ACTN3: variants seen among roughly 807,000 people sequenced by gnomAD.
The protein encoded by ACTN3 is actinin alpha 3.
A neutral mutation model predicts 119.6 loss-of-function variants in ACTN3; 91 were observed. That is an observed-to-expected ratio of 0.76 (90% CI 0.64 to 0.91). The LOEUF (loss-of-function observed/expected upper bound fraction) is 0.91. Among genes scored for constraint, ACTN3 ranks in the 40% least tolerant of loss-of-function variants. The pLI is 0.00. For missense variants in ACTN3, 1,221 were observed against 1,215.1 expected, an observed-to-expected ratio of 1.00 and a Z score of -0.07; for synonymous variants, 456 against 478.8, an observed-to-expected ratio of 0.95 and a Z score of 0.62.
rs1459786551 is a variant in ACTN3, at chr11:66,558,081, T to C, written c.1183T>C (p.Trp395Arg). 1.2e-6 allele frequency: 2 copies of C among 1,613,690 alleles called. No homozygotes were observed. Among genetic ancestry groups the C allele is most frequent in the African/African-American group, 2.7e-5 (2 of 74,924 alleles). ...LEQVEKGYED[W>R]LLSEIRRLQR... ...GCAGGTGGAAAAGGGCTATGAGGACTGGCTGCTCTCGGAGATCCGGCGCCT... is the reference window on the plus strand; with the variant it reads ...GCAGGTGGAAAAGGGCTATGAGGACCGGCTGCTCTCGGAGATCCGGCGCCT... Residue 395 changes from tryptophan to arginine, a missense_variant, in exon 11 of 21, where the codon TGG becomes CGG. Trp to Arg is a moderately radical substitution (Grantham distance 101). Transcript: ENST00000513398.
At chr11:66,556,933 T>C (rs1319365709) in intron 8 of ACTN3, among the ~76,000 whole-genome samples, 200 bp from the exon 9 acceptor site, 1 of 151,976 alleles carries the variant, frequency 6.6e-6, no homozygotes, top group Non-Finnish European at 1.5e-5. Context: ...GCCAATTTTT[T>C]TGTATTTTTA....
chr11:66,551,697 G>A (rs779962099), intron 3 of ACTN3, 50 bp downstream of exon 3: 1 of 1,606,394 alleles, frequency 6.2e-7, no homozygotes, highest in African/African-American at 1.3e-5. Context: ...GGCCTCTCTT[G>A]ACATCAGCAA....
At chr11:66,551,830 C>G (rs1857478937) in intron 3 of ACTN3, 183 bp downstream of exon 3, 1 of 467,244 alleles carries the variant, frequency 2.1e-6, no homozygotes, top group African/African-American at 2.1e-5. Flanking sequence ...AATCTCGGCA[C>G]TTTGGGAGGC....
rs1358315746 is a variant in ACTN3 at position 66,557,216 on chromosome 11, T to C, written c.888T>C (p.Leu296=). ...NEKLMEEYEK[L]ASELLEWIRR... The stretch of plus-strand genomic sequence containing the variant: ...AGCTGATGGAGGAGTATGAGAAGCT[T>C]GCCAGTGAGGTGAGGCTGGGCTCCC... Residue 296 remains leucine (L), a synonymous_variant, in exon 9 of 21, where the codon CTT becomes CTC. Coordinates refer to ENST00000513398, the MANE Select transcript of ACTN3 (RefSeq NM_001104.4). The C allele has an allele frequency of 5.8e-6, 9 of 1,552,824 alleles. No homozygotes were observed. The highest frequency in any genetic ancestry group is 7.8e-6 in the Non-Finnish European group (9 of 1,147,790).
Position 66,561,518 on chromosome 11 carries a change from C to T in ACTN3, c.2056C>T (p.Arg686Trp), listed in dbSNP as rs371081325. 8.7e-6 allele frequency: 14 copies of T among 1,606,856 alleles called. No individual in the cohort carries two copies. Among genetic ancestry groups the T allele is most frequent in the East Asian group, 2.2e-5 (1 of 44,632 alleles). ...GSLEEQMAGL[R>W]QQEQNIINYK... ...TCTGGAGGAGCAGATGGCTGGGCTA[C>T]GGCAGCAGGAGCAGAACATTATCAA... The change falls in exon 17 of 21, where the codon CGG becomes TGG. Residue 686 changes from arginine to tryptophan, a missense_variant. By Grantham distance (101) the Arg-to-Trp change is moderately radical (BLOSUM62 -3). Transcript: ENST00000513398.
chr11:66,549,712 C>T (rs1006607880), intron 1 of ACTN3, among the ~76,000 whole-genome samples: 11 of 108,170 alleles, frequency 1.0e-4, no homozygotes, highest in Non-Finnish European at 1.5e-4. Flanking sequence ...GTCTGGGCAA[C>T]AAGCGCGAAA....
At chr11:66,552,880 T>TCACACA (rs4013815) in intron 3 of ACTN3, among the ~76,000 whole-genome samples, 3 of 114,700 alleles carry the variant, frequency 2.6e-5, no homozygotes, top group Non-Finnish European at 5.6e-5. Flanking sequence ...TCTCTCTCTC[T>TCACACA]CACACACACA....
intron 11 of ACTN3, 136 bp downstream of exon 11, chr11:66,558,310 T>C: frequency 7.7e-7 from 1 of 1,299,724 alleles, no homozygotes; most frequent in Non-Finnish European, 1.0e-6. Context: ...ACTGGATTTC[T>C]AGTCCCACCC....
At chr11:66,559,070 G>A in intron 11 of ACTN3, 166 bp from the exon 12 acceptor site, 1 of 617,798 alleles carries the variant, frequency 1.6e-6, no homozygotes, top group Non-Finnish European at 2.4e-6. Flanking sequence ...CACGGAAGAG[G>A]ACTTTCACCT....
intron 4 of ACTN3, 73 bp from the exon 5 acceptor site, chr11:66,554,463 A>G: frequency 8.0e-7 from 1 of 1,244,032 alleles, no homozygotes; most frequent in Non-Finnish European, 1.1e-6. Context: ...TCTCAAAAAA[A>G]AAAAAAAAAG....
chr11:66,552,422 C>T (rs1294750067), intron 3 of ACTN3, among the ~76,000 whole-genome samples: 9 of 152,014 alleles, frequency 5.9e-5, no homozygotes, highest in African/African-American at 2.2e-4. Flanking sequence ...GCTCAGCCCC[C>T]AAACCCTAGT....
chr11:66,551,577 C>A lies in ACTN3; in HGVS notation c.312C>A (p.Ile104=). ...AAGGCAAGATGCGCTTCCACAAAAT[C>A]GCCAACGTTAACAAGGCCCTGGACT... ...PDKGKMRFHK[I]ANVNKALDFI... The change falls in exon 3 of 21, where the codon ATC becomes ATA. Residue 104 remains isoleucine (I), a synonymous_variant. Coordinates refer to ENST00000513398, the MANE Select transcript of ACTN3 (RefSeq NM_001104.4). 6.2e-7 allele frequency: 1 copy of A among 1,614,112 alleles called. No homozygotes were observed. Among genetic ancestry groups the A allele is most frequent in the Non-Finnish European group, 8.5e-7 (1 of 1,180,026 alleles).
At position 66,554,077 on chromosome 11, in the gene ACTN3, G is replaced by T; in HGVS notation, c.415G>T (p.Gly139Cys). 1 of 1,613,752 alleles carries T rather than the reference G, an allele frequency of 6.2e-7. No individual in the cohort carries two copies. The highest frequency in any genetic ancestry group is 1.1e-5 in the South Asian group (1 of 91,070). Residue 139 changes from glycine (G) to cysteine (C), a missense_variant, in exon 4 of 21, where the codon GGC becomes TGC. Gly to Cys is a radical substitution (Grantham distance 159, BLOSUM62 -3). Coordinates refer to ENST00000513398, the MANE Select transcript of ACTN3 (RefSeq NM_001104.4). ...TGACGGGAACCTGAAGATGACCCTG[G>T]GCATGATCTGGACCATCATCCTTCG... ...IVDGNLKMTL[G>C]MIWTIILRFA... is the part of the protein sequence containing the mutation.
At position 66,558,549 on chromosome 11, in the gene ACTN3, G is replaced by A. The variant is rs140783486; in HGVS notation, c.1276+375G>A. 3.9e-3 allele frequency among the ~76,000 whole-genome samples: 588 copies of A among 152,192 alleles called. 1 individual carries two copies. Among genetic ancestry groups the A allele is most frequent in the Non-Finnish European group, 6.9e-3 (467 of 68,012 alleles). On this transcript the variant is annotated intron_variant, in intron 11 of 20. Coordinates refer to ENST00000513398, the MANE Select transcript of ACTN3 (RefSeq NM_001104.4). ...CGCCCAGTAACTTTTTGTACTTTTT[G>A]TAGAGATGGGTTCTCACTTTGTTGC... is the stretch of plus-strand genomic sequence containing the variant.
rs756028002 is a variant in ACTN3, at chr11:66,558,038, C to T, written c.1140C>T (p.Asn380=). The T allele has an allele frequency of 2.5e-5, 41 of 1,613,746 alleles. No individual in the cohort carries two copies. Among genetic ancestry groups the T allele is most frequent in the Admixed American group, 1.2e-4 (7 of 59,986 alleles). ...TGCCTGCTCCACAGGACATCGCCAA[C>T]GCCTGGCGGGGGCTGGAGCAGGTGG... The part of the protein sequence containing the change: ...SEGKLVSDIA[N]AWRGLEQVEK... The change falls in exon 11 of 21, where the codon AAC becomes AAT. Residue 380 remains asparagine (N), a synonymous_variant. Coordinates refer to ENST00000513398, the MANE Select transcript of ACTN3 (RefSeq NM_001104.4).
intron 8 of ACTN3, 149 bp from the exon 9 acceptor site, chr11:66,556,984 A>G: frequency 1.7e-6 from 1 of 603,250 alleles, no homozygotes; most frequent in South Asian, 1.9e-5. Context: ...GATGGTTTCG[A>G]TCTCCTGACC....
chr11:66,561,899 G>A, intron 17 of ACTN3, 123 bp from the exon 18 acceptor site: 2 of 1,219,778 alleles, frequency 1.6e-6, no homozygotes, highest in South Asian at 1.4e-5. Flanking sequence ...GCCTCCAGAT[G>A]GGGATGGAGG....
At chr11:66,559,115 A>T in intron 11 of ACTN3, 121 bp from the exon 12 acceptor site, 1 of 1,095,578 alleles carries the variant, frequency 9.1e-7, no homozygotes, top group Non-Finnish European at 1.2e-6. Flanking sequence ...GCAAATCCCT[A>T]GGACGAGCTA....
At chr11:66,554,437 A>ACC in intron 4 of ACTN3, 99 bp from the exon 5 acceptor site, 1 of 922,428 alleles carries the variant, frequency 1.1e-6, no homozygotes, top group Non-Finnish European at 1.6e-6. Context: ...CAGTTGGATG[A>ACC]CATAGCAAGA....
Sources: allele counts gnomAD v4.1 joint callset (sites outside exome capture counted in the v4.1 genomes callset), GRCh38; gene constraint gnomAD v4.1.1; transcripts MANE v1.5; gene names NCBI Gene and HGNC (gene_info 2026-07-23, HGNC 2026-07-21).